The following PHKA1 variants were observed in gnomAD, a reference collection of about 807,000 sequenced individuals.
PHKA1 encodes the protein phosphorylase b kinase regulatory subunit alpha, skeletal muscle isoform.
PHKA1 carries 60 observed loss-of-function variants against 110.2 expected under a neutral mutation model. The ratio of observed to expected loss-of-function variants is 0.54; its 90% CI spans 0.44 to 0.68. The LOEUF (loss-of-function observed/expected upper bound fraction) is 0.68. Among genes scored for constraint, PHKA1 ranks in the 30% least tolerant of loss-of-function variants. The pLI, the probability that PHKA1 is intolerant of heterozygous loss-of-function variation, is 0.00. For missense variants in PHKA1, 801 were observed against 942.5 expected (o/e 0.85, Z 1.97); for synonymous variants, 316 against 333.6 (o/e 0.95, Z 0.58).
In PHKA1 at chrX:72,603,960, T is replaced by C. The variant is rs190277583; in HGVS notation, c.2816-740A>G. On this transcript the variant is annotated intron_variant, in intron 25 of 31. Transcript: ENST00000373542. ...TGGGAAGTACTGTGGGAGTAGAAGA[T>C]AAAGGCCAGACTGTTGAGGGTATTA... 6.6e-3 allele frequency among the ~76,000 whole-genome samples: 728 copies of C among 110,951 alleles called. 5 individuals carry two copies. Among genetic ancestry groups the C allele is most frequent in the Middle Eastern group, 0.018 (4 of 218 alleles).
chrX:72,658,886 T>C (rs918714449), intron 8 of PHKA1, among the ~76,000 whole-genome samples: 1 of 112,152 alleles, frequency 8.9e-6, no homozygotes, highest in East Asian at 2.8e-4. Context: ...TTCTCCACTG[T>C]AATTTTCCAT....
intron 23 of PHKA1, among the ~76,000 whole-genome samples, chrX:72,606,722 A>G (rs1186455003): frequency 6.3e-5 from 7 of 111,081 alleles, no homozygotes; most frequent in Non-Finnish European, 5.7e-5. Flanking sequence ...AAACAATCCA[A>G]TTACACCCTT....
At chrX:72,670,674 C>T (rs1360506248) in intron 6 of PHKA1, among the ~76,000 whole-genome samples, 4 of 111,562 alleles carry the variant, frequency 3.6e-5, no homozygotes, top group Non-Finnish European at 7.5e-5. Context: ...AACATCGATG[C>T]AAAAATCCTC....
At chrX:72,632,936 T>C (rs782574179) in intron 16 of PHKA1, among the ~76,000 whole-genome samples, 1 of 112,211 alleles carries the variant, frequency 8.9e-6, no homozygotes, top group Admixed American at 9.4e-5. Flanking sequence ...GCTATTGTTA[T>C]TGTTGTTTTT....
At chrX:72,653,020 A>G (rs183751877) in intron 11 of PHKA1, among the ~76,000 whole-genome samples, 61 of 111,822 alleles carry the variant, frequency 5.5e-4, no homozygotes, top group Non-Finnish European at 7.9e-4. Flanking sequence ...GAAGAGGAAC[A>G]ATGTTACACC....
chrX:72,665,999 C>T (rs111288639), intron 8 of PHKA1, 152 bp downstream of exon 8: 31 of 560,366 alleles, frequency 5.5e-5, no homozygotes, highest in African/African-American at 4.4e-4. Flanking sequence ...GCTGTAGAAG[C>T]TTTAACACTT....
At chrX:72,620,949 T>A (rs781942277) in intron 18 of PHKA1, 48 bp from the exon 19 acceptor site, 3 of 1,152,308 alleles carry the variant, frequency 2.6e-6, no homozygotes, top group Non-Finnish European at 1.2e-6. Context: ...TGAAAATATT[T>A]TAGTTACTTT....
intron 21 of PHKA1, among the ~76,000 whole-genome samples, chrX:72,616,874 A>G (rs979746325): frequency 8.9e-6 from 1 of 112,146 alleles, no homozygotes; most frequent in Admixed American, 9.4e-5. Context: ...TACAAATACA[A>G]GGAAATTAAA....
rs142133867 is a variant in PHKA1, at chrX:72,659,900, G to A, written c.865-2259C>T. 2.9e-3 allele frequency among the ~76,000 whole-genome samples: 330 copies of A among 112,129 alleles called. 1 individual carries two copies. Among genetic ancestry groups the A allele is most frequent in the African/African-American group, 0.01 (311 of 30,849 alleles). ...CATGGACAATATGTAAATACACCAT[G>A]GTTGTGTTCCAATAAAACTCTATTT... On this transcript the variant is annotated intron_variant, in intron 8 of 31. Coordinates refer to ENST00000373542, the MANE Select transcript of PHKA1 (RefSeq NM_002637.4).
intron 31 of PHKA1, 26 bp downstream of exon 31, chrX:72,582,372 A>G (rs375192237): frequency 9.2e-7 from 1 of 1,082,128 alleles, no homozygotes; most frequent in Admixed American, 2.2e-5. Flanking sequence ...ACATTTCTCT[A>G]TTGAGAAAAC....
intron 6 of PHKA1, 137 bp from the exon 7 acceptor site, chrX:72,667,610 T>C: frequency 2.0e-6 from 1 of 510,408 alleles, no homozygotes; most frequent in East Asian, 3.7e-5. Context: ...TACAAAAACA[T>C]TATTTATTCC....
In PHKA1 at chrX:72,644,367, C is replaced by T. The variant is rs2053334201; in HGVS notation, c.1454G>A (p.Ser485Asn). The change falls in exon 14 of 32, where the codon AGC (serine) becomes AAC (asparagine). Residue 485 changes from serine to asparagine, a missense_variant. Around this residue, in one of 2 missense-constraint regions of PHKA1, gnomAD observed 299 missense variants for 423.3 expected, o/e 0.71. Transcript: ENST00000373542. ...PARILSHIYS[S>N]LGCNNRMKLS... The stretch of plus-strand genomic sequence containing the variant: ...AGGCTAGCCAATCTCCTTACCTAGG[C>T]TGGAATAAATGTGGCTGAGAATACG... The T allele has an allele frequency of 8.3e-7, 1 of 1,208,286 alleles. No individual in the cohort carries two copies. Among genetic ancestry groups the T allele is most frequent in the Admixed American group, 2.2e-5 (1 of 45,626 alleles).
intron 6 of PHKA1, among the ~76,000 whole-genome samples, chrX:72,670,635 A>G (rs2147786088): frequency 8.9e-6 from 1 of 111,915 alleles, no homozygotes; most frequent in African/African-American, 3.2e-5. Context: ...ACAACCAAAA[A>G]AGAGAATTTT....
intron 8 of PHKA1, among the ~76,000 whole-genome samples, chrX:72,658,396 T>C (rs918650194): frequency 9.3e-6 from 1 of 107,342 alleles, no homozygotes; most frequent in Non-Finnish European, 1.9e-5. Flanking sequence ...GAGACACAGG[T>C]TGCAGTGAGC....
chrX:72,588,447 T>C (rs1556218589), intron 29 of PHKA1, among the ~76,000 whole-genome samples: 2 of 111,946 alleles, frequency 1.8e-5, no homozygotes, highest in African/African-American at 3.3e-5. Flanking sequence ...GGGAAATTTA[T>C]AGCACTAAAT....
intron 10 of PHKA1, among the ~76,000 whole-genome samples, chrX:72,654,867 G>C (rs1224672578): frequency 9.9e-6 from 1 of 100,773 alleles, no homozygotes; most frequent in African/African-American, 3.7e-5. Context: ...GCGCAATCTC[G>C]GCTCACTGCA....
chrX:72,705,602 A>T (rs1037817297), intron 2 of PHKA1, among the ~76,000 whole-genome samples: 5 of 111,969 alleles, frequency 4.5e-5, no homozygotes, highest in African/African-American at 1.6e-4. Flanking sequence ...GCCTAGAAAG[A>T]CTTCACTACA....
chrX:72,700,058 A>G (rs782004762), intron 3 of PHKA1, among the ~76,000 whole-genome samples: 44 of 112,135 alleles, frequency 3.9e-4, no homozygotes, highest in African/African-American at 1.4e-3. Context: ...CTCCTTAATA[A>G]AGGTTATAAA....
chrX:72,622,308 T>G (rs972881508), intron 18 of PHKA1: 1 of 752,278 alleles, frequency 1.3e-6, no homozygotes, highest in Non-Finnish European at 1.6e-6. Flanking sequence ...TTTTCTTTTC[T>G]CCAACATACC....
Sources: gnomAD v4.1 joint callset for allele counts (sites outside exome capture counted in the v4.1 genomes callset) on GRCh38, gnomAD v4.1.1 for gene constraint, gnomAD v4.1.1 regional missense constraint, MANE v1.5 for transcripts, NCBI Gene and HGNC (gene_info 2026-07-23, HGNC 2026-07-21) for gene names.